The following LRRC49 variants were observed in gnomAD, a reference collection of about 807,000 sequenced individuals.
LRRC49 encodes the protein leucine rich repeat containing 49.
A neutral mutation model predicts 83.3 loss-of-function variants in LRRC49; 50 were observed. The observed-to-expected ratio is 0.60, with a 90% CI of 0.48 to 0.76. The LOEUF is 0.76. Ranked by LOEUF, LRRC49 falls within the 30% of genes least tolerant of loss-of-function variation. The pLI, the probability that LRRC49 is intolerant of heterozygous loss-of-function variation, is 0.00. For missense variants in LRRC49, 704 were observed against 809.1 expected (o/e 0.87, Z 1.58); for synonymous variants, 286 against 283.3 (o/e 1.01, Z -0.10).
intron 2 of LRRC49, among the ~76,000 whole-genome samples, chr15:70,878,716 G>T (rs1203679628): frequency 1.3e-5 from 2 of 152,152 alleles, no homozygotes; most frequent in African/African-American, 2.4e-5. Flanking sequence ...AAGGTGACAT[G>T]ATTTTTCTCT....
intron 8 of LRRC49, among the ~76,000 whole-genome samples, chr15:70,947,419 T>A (rs549152800): frequency 1.3e-5 from 2 of 152,262 alleles, no homozygotes; most frequent in East Asian, 1.9e-4. Flanking sequence ...GTTAAACATA[T>A]GACTTTTGTT....
At chr15:70,868,327 G>T (rs1353305187) in intron 1 of LRRC49, among the ~76,000 whole-genome samples, 2 of 152,202 alleles carry the variant, frequency 1.3e-5, no homozygotes, top group Non-Finnish European at 2.9e-5. Context: ...CATGCGCTTG[G>T]ATACGTACCC....
chr15:70,974,732 AAAAG>A (rs1158365477), intron 9 of LRRC49, among the ~76,000 whole-genome samples: 1 of 152,076 alleles, frequency 6.6e-6, no homozygotes, highest in Non-Finnish European at 1.5e-5. Flanking sequence ...AAAAAAAAAA[AAAAG>A]AACAACAAAG....
At chr15:71,040,819 C>CA (rs57206118) in intron 15 of LRRC49, among the ~76,000 whole-genome samples, 32,373 of 98,626 alleles carry the variant, frequency 0.33, 5,520 homozygotes, top group Non-Finnish European at 0.41. Context: ...GACTCCGTCT[C>CA]AAAAAAAAAA....
At chr15:70,991,417 A>G (rs1399071398) in intron 11 of LRRC49, among the ~76,000 whole-genome samples, 1 of 152,244 alleles carries the variant, frequency 6.6e-6, no homozygotes, top group Non-Finnish European at 1.5e-5. Context: ...ATTCCCTTAT[A>G]TAAAATGGGA....
At chr15:70,986,393 G>C (rs960877073) in intron 11 of LRRC49, among the ~76,000 whole-genome samples, 4 of 150,186 alleles carry the variant, frequency 2.7e-5, no homozygotes, top group African/African-American at 9.7e-5. Flanking sequence ...TCTCTTTGAA[G>C]CAATTGTGAA....
Position 70,853,661 on chromosome 15 carries a change from C to A in LRRC49, c.-299+192C>A, listed in dbSNP as rs560058805. On this transcript the variant is annotated intron_variant, in intron 1 of 16. Transcript: ENST00000544974. Reference sequence around the variant, plus strand: ...ACGTCCAGGCCCCTCAGATCCCGGCCGCCAGCCCTGGGAGCCTCGGTTGGG... The same window carrying A: ...ACGTCCAGGCCCCTCAGATCCCGGCAGCCAGCCCTGGGAGCCTCGGTTGGG... 6.9e-4 allele frequency: 228 copies of A among 331,426 alleles called. 4 individuals are homozygous for A. In the East Asian group the frequency reaches 0.011, roughly 15 times the overall value. The allele number at this position is 331,426 out of a possible 1,614,324, so 20.5% of individuals were successfully genotyped here. A position where few individuals can be genotyped will look rare whatever the true frequency, so the allele number is the denominator to read the frequency against.
Position 70,895,939 on chromosome 15 carries a change from A to G in LRRC49, c.193+3A>G, listed in dbSNP as rs1362194193. The G allele has an allele frequency of 1.3e-6, 2 of 1,559,882 alleles. No individual in the cohort carries two copies. Among genetic ancestry groups the G allele is most frequent in the Non-Finnish European group, 1.8e-6 (2 of 1,134,022 alleles). ...AAGAAACTACTCAAGTAGGCAAGGT[A>G]TTGTCAGTGAATAGAGATCAGATGT... On this transcript the variant is annotated splice_donor_region_variant and intron_variant, in intron 3 of 15. Coordinates refer to ENST00000260382, the MANE Select transcript of LRRC49 (RefSeq NM_017691.5).
intron 6 of LRRC49, among the ~76,000 whole-genome samples, chr15:70,917,972 C>CT (rs2034851382): frequency 6.6e-6 from 1 of 152,242 alleles, no homozygotes; most frequent in Admixed American, 6.5e-5. Context: ...GACTTGAGAG[C>CT]TCCCCAAGCC....
chr15:71,030,981 C>G (rs1388726424), intron 14 of LRRC49, among the ~76,000 whole-genome samples: 1 of 152,014 alleles, frequency 6.6e-6, no homozygotes, highest in Admixed American at 6.6e-5. Flanking sequence ...TTTGTTATTA[C>G]CCATCTTCTG....
intron 4 of LRRC49, 90 bp from the exon 5 acceptor site, chr15:70,904,462 A>T: frequency 1.2e-6 from 1 of 837,808 alleles, no homozygotes; most frequent in South Asian, 1.7e-5. Context: ...TCCTCACAGA[A>T]TGGGAGCACA....
intron 14 of LRRC49, among the ~76,000 whole-genome samples, chr15:71,023,834 G>A (rs568807409): frequency 7.1e-4 from 108 of 152,218 alleles, no homozygotes; most frequent in Non-Finnish European, 1.4e-3. Context: ...GGGAGAGGCA[G>A]TCACCATCAC....
At chr15:70,936,632 G>C (rs1390836072) in intron 7 of LRRC49, 129 bp from the exon 8 acceptor site, 1 of 649,834 alleles carries the variant, frequency 1.5e-6, no homozygotes, top group Admixed American at 2.3e-5. Context: ...TCACTGTCCA[G>C]TAGAAATCAG....
chr15:70,900,877 C>T (rs62019093), intron 3 of LRRC49, 45 bp from the exon 4 acceptor site: 19,711 of 1,180,526 alleles, frequency 0.017, 231 homozygotes, highest in Non-Finnish European at 0.02. Context: ...TTTCAGACTT[C>T]GAAGGTTTTT....
At chr15:71,026,938 A>C (rs547943968) in intron 14 of LRRC49, among the ~76,000 whole-genome samples, 1 of 151,918 alleles carries the variant, frequency 6.6e-6, no homozygotes, top group Non-Finnish European at 1.5e-5. Context: ...CAGAAGCTCT[A>C]TAGTTTGATT....
chr15:71,012,144 T>C (rs1233090726), intron 13 of LRRC49, among the ~76,000 whole-genome samples: 4 of 152,186 alleles, frequency 2.6e-5, no homozygotes, highest in Non-Finnish European at 5.9e-5. Context: ...AAAAACAGTA[T>C]TTAAAATGTA....
chr15:70,948,398 G>A (rs546883418), intron 8 of LRRC49, among the ~76,000 whole-genome samples: 1 of 151,734 alleles, frequency 6.6e-6, no homozygotes, highest in African/African-American at 2.4e-5. Flanking sequence ...TTGGAGTCAC[G>A]CCTTTTAAAG....
chr15:70,861,339 G>A (rs567881777), intron 1 of LRRC49, among the ~76,000 whole-genome samples: 1 of 151,908 alleles, frequency 6.6e-6, no homozygotes, highest in South Asian at 2.1e-4. Context: ...TACAAATGAT[G>A]CAGGAGTCCA....
At chr15:71,027,712 TG>T in intron 14 of LRRC49, among the ~76,000 whole-genome samples, 1 of 152,356 alleles carries the variant, frequency 6.6e-6, no homozygotes, top group South Asian at 2.1e-4. Context: ...CAATTGTGAA[TG>T]GTAGTTCACT....
Sources: allele counts gnomAD v4.1 joint callset (sites outside exome capture counted in the v4.1 genomes callset), GRCh38; gene constraint gnomAD v4.1.1; transcripts MANE v1.5; gene names NCBI Gene and HGNC (gene_info 2026-07-23, HGNC 2026-07-21).